The following ENDOV variants were observed in gnomAD, a reference collection of about 807,000 sequenced individuals.
ENDOV encodes the protein hEndoV.
ENDOV carries 37 observed loss-of-function variants against 39.4 expected under a neutral mutation model. That is an observed-to-expected ratio of 0.94 (90% CI 0.72 to 1.23). The LOEUF (loss-of-function observed/expected upper bound fraction) is 1.23, where lower values mean the gene tolerates loss of function less well. Among genes scored for constraint, ENDOV ranks in the 50% most tolerant of loss-of-function variants. ENDOV has a pLI of 0.00. For synonymous variants in ENDOV, 186 were observed against 163.4 expected, an observed-to-expected ratio of 1.14 and a Z score of -1.05; for missense variants, 441 against 375.7, an observed-to-expected ratio of 1.17 and a Z score of -1.44.
chr17:80,421,159 G>A (rs763252331), intron 2 of ENDOV, among the ~76,000 whole-genome samples: 1 of 150,426 alleles, frequency 6.6e-6, no homozygotes, highest in Non-Finnish European at 1.5e-5. Context: ...CTGATCCCAG[G>A]GAATCCTCCT....
At chr17:80,431,892 T>C (rs759956504) in intron 9 of ENDOV, among the ~76,000 whole-genome samples, 1 of 151,968 alleles carries the variant, frequency 6.6e-6, no homozygotes, top group African/African-American at 2.4e-5. Context: ...GGGGAGAGTG[T>C]CCCCAGAGAG....
chr17:80,419,397 C>T (rs1568212028), intron 2 of ENDOV: 3 of 570,784 alleles, frequency 5.3e-6, no homozygotes, highest in Non-Finnish European at 9.5e-6. Flanking sequence ...GATGCTGAGC[C>T]ATGGCTGGTG....
intron 5 of ENDOV, chr17:80,424,415 G>A: frequency 2.5e-6 from 1 of 399,254 alleles, no homozygotes; most frequent in Non-Finnish European, 4.4e-6. Flanking sequence ...CCATCACTGG[G>A]CAGTGGCGGC....
In ENDOV at chr17:80,425,045, A is replaced by T. The variant is rs2145004904; in HGVS notation, c.530A>T (p.Gln177Leu). ...ALHKEKIRLL[Q>L]TRGDSFPLLG... ...TCCATTTTCCAGATCCGACTCCTGC[A>T]GACTCGAGGAGACTCATTCCCTCTG... The change falls in exon 6 of 10, where the codon CAG (glutamine) becomes CTG (leucine). Residue 177 changes from glutamine to leucine, a missense_variant. Gln to Leu is a moderately radical substitution (Grantham distance 113). Coordinates refer to ENST00000518137, the MANE Select transcript of ENDOV (RefSeq NM_173627.5). 2 of 1,612,480 alleles carry T rather than the reference A, an allele frequency of 1.2e-6. No individual in the cohort carries two copies. Among genetic ancestry groups the T allele is most frequent in the Non-Finnish European group, 1.7e-6 (2 of 1,179,354 alleles).
chr17:80,425,859 G>A (rs1006828195), intron 7 of ENDOV, among the ~76,000 whole-genome samples: 5 of 152,162 alleles, frequency 3.3e-5, no homozygotes, highest in Non-Finnish European at 5.9e-5. Flanking sequence ...TGCACCCCAT[G>A]CACTCAGCCT....
At chr17:80,426,590 G>A (rs1299594621) in intron 7 of ENDOV, among the ~76,000 whole-genome samples, 1 of 152,240 alleles carries the variant, frequency 6.6e-6, no homozygotes, top group Non-Finnish European at 1.5e-5. Context: ...GGTCGAGGCT[G>A]TAGTGTGCCC....
At chr17:80,430,471 C>A in intron 9 of ENDOV, 1 of 977,192 alleles carries the variant, frequency 1.0e-6, no homozygotes, top group Non-Finnish European at 1.4e-6. Context: ...TCAGCCCCAG[C>A]CACACTGAAC....
At chr17:80,426,396 C>G (rs1463418715) in intron 7 of ENDOV, among the ~76,000 whole-genome samples, 1 of 152,196 alleles carries the variant, frequency 6.6e-6, no homozygotes, top group Non-Finnish European at 1.5e-5. Flanking sequence ...CGCCTGTAAC[C>G]CCAACACTTT....
chr17:80,426,481 CA>C (rs916135794), intron 7 of ENDOV, among the ~76,000 whole-genome samples: 86 of 151,542 alleles, frequency 5.7e-4, no homozygotes, highest in African/African-American at 2.0e-3. Flanking sequence ...CCCGTCTCTA[CA>C]AAAAAAACGT....
At chr17:80,428,426 G>A (rs1402719353) in intron 7 of ENDOV, 170 bp from the exon 8 acceptor site, 4 of 656,912 alleles carry the variant, frequency 6.1e-6, no homozygotes, top group African/African-American at 3.6e-5. Flanking sequence ...AGGCATGCCT[G>A]TCCCACACTC....
At chr17:80,433,037 CCT>C in intron 9 of ENDOV, 1 of 494,632 alleles carries the variant, frequency 2.0e-6, no homozygotes, top group South Asian at 1.5e-5. Flanking sequence ...CAAACAAATG[CCT>C]CTCCCCTCTC....
rs570251505 is a variant in ENDOV at position 80,430,063 on chromosome 17, A to G, written c.838+232A>G. 2.2e-5 allele frequency: 34 copies of G among 1,535,750 alleles called. No homozygotes were observed. In the South Asian group the frequency reaches 3.7e-4, roughly 17 times the overall value. On this transcript the variant is annotated intron_variant, in intron 9 of 9. Coordinates refer to ENST00000518137, the MANE Select transcript of ENDOV (RefSeq NM_173627.5). ...CAGGTGGAGCACCCAGTCCCCAAAG[A>G]CAGGCTGACCGCACCACCCCAGGGG...
intron 2 of ENDOV, chr17:80,417,802 C>A (rs1260478367): frequency 6.6e-6 from 1 of 152,186 alleles, no homozygotes; most frequent in African/African-American, 2.4e-5. Context: ...CTTTGCCCAC[C>A]ATGGATAGCA....
chr17:80,416,438 C>T (rs913145066), intron 2 of ENDOV, among the ~76,000 whole-genome samples: 2 of 152,062 alleles, frequency 1.3e-5, no homozygotes, highest in Non-Finnish European at 2.9e-5. Flanking sequence ...TCCTGGGCCC[C>T]TCCGTTCCTC....
intron 5 of ENDOV, chr17:80,423,986 C>T (rs1418963419): frequency 3.9e-6 from 1 of 254,842 alleles, no homozygotes; most frequent in Non-Finnish European, 7.4e-6. Flanking sequence ...CCCCGCCTTG[C>T]CCCAGCCCCT....
intron 2 of ENDOV, among the ~76,000 whole-genome samples, chr17:80,416,450 C>T (rs76473598): frequency 6.6e-6 from 1 of 152,052 alleles, no homozygotes; most frequent in Non-Finnish European, 1.5e-5. Flanking sequence ...CCGTTCCTCT[C>T]GCGTCCAGTT....
In ENDOV at chr17:80,415,210, GCGGGAGGGCCGC is replaced by G; in HGVS notation, c.20_31del (p.Gly7_Pro10del). ...GGACGAAGCCATGGCCCTGGAGGCG[GCGGGAGGGCCGC>G]CGGAGGAAACGCTGTCACTGTGGAA... is the stretch of plus-strand genomic sequence containing the variant. On this transcript the variant is annotated inframe_deletion, in exon 1 of 10. Coordinates refer to ENST00000518137, the MANE Select transcript of ENDOV (RefSeq NM_173627.5). 1.2e-6 allele frequency: 2 copies of G among 1,613,340 alleles called. No homozygotes were observed. Among genetic ancestry groups the G allele is most frequent in the African/African-American group, 1.3e-5 (1 of 75,052 alleles).
chr17:80,427,878 T>A (rs1008606223), intron 7 of ENDOV: 1 of 1,239,540 alleles, frequency 8.1e-7, no homozygotes, highest in Non-Finnish European at 1.0e-6. Context: ...CGCCTACCGC[T>A]GCCCCACTTC....
intron 9 of ENDOV, chr17:80,430,395 A>G (rs1356233330): frequency 1.3e-6 from 2 of 1,496,878 alleles, no homozygotes; most frequent in Admixed American, 2.1e-5. Flanking sequence ...TTGTTTATTT[A>G]TTTCCATTGA....
Sources: allele counts gnomAD v4.1 joint callset (sites outside exome capture counted in the v4.1 genomes callset), GRCh38; gene constraint gnomAD v4.1.1; transcripts MANE v1.5; gene names NCBI Gene and HGNC (gene_info 2026-07-23, HGNC 2026-07-21).